TARBP1: variants seen among roughly 807,000 people sequenced by gnomAD.
The protein encoded by TARBP1 is tRNA guanosine 2 -O-methyltransferase TARBP1.
Under a neutral mutation model 178.6 loss-of-function variants are expected in TARBP1, and 144 were observed. The observed-to-expected ratio is 0.81, with a 90% CI of 0.70 to 0.93. The LOEUF is 0.93. Ranked by LOEUF, TARBP1 falls within the 40% of genes least tolerant of loss-of-function variation. The pLI, the probability that TARBP1 is intolerant of heterozygous loss-of-function variation, is 0.00. For missense variants in TARBP1, 2,067 were observed against 2,011.7 expected, an observed-to-expected ratio of 1.03 and a Z score of -0.53; for synonymous variants, 787 against 781.0, an observed-to-expected ratio of 1.01 and a Z score of -0.13.
chr1:234,465,234 G>T (rs10910438), intron 5 of TARBP1, among the ~76,000 whole-genome samples: 24,645 of 152,132 alleles, frequency 0.16, 2,815 homozygotes, highest in East Asian at 0.55. Context: ...AGGGAATATG[G>T]GTGAAAGGGA....
At chr1:234,427,074 T>C (rs540804708) in intron 19 of TARBP1, among the ~76,000 whole-genome samples, 6 of 152,322 alleles carry the variant, frequency 3.9e-5, no homozygotes, top group African/African-American at 1.4e-4. Context: ...ATTTCCTTGT[T>C]TACGCTGGAG....
chr1:234,462,687 CA>C (rs35604890), intron 6 of TARBP1, among the ~76,000 whole-genome samples: 58 of 102,782 alleles, frequency 5.6e-4, no homozygotes, highest in African/African-American at 1.1e-3. Flanking sequence ...GACTTCATCT[CA>C]AAAAAAAAAA....
chr1:234,453,387 G>A (rs1197529723), intron 9 of TARBP1, among the ~76,000 whole-genome samples: 2 of 148,902 alleles, frequency 1.3e-5, no homozygotes, highest in African/African-American at 5.0e-5. Context: ...ACAGGGTCTC[G>A]CTATGTTACC....
chr1:234,418,006 T>C (rs988033237), intron 22 of TARBP1, 78 bp downstream of exon 22: 1 of 932,150 alleles, frequency 1.1e-6, no homozygotes, highest in Non-Finnish European at 1.5e-6. Flanking sequence ...AAAACAACTA[T>C]TTAAGTGAAA....
chr1:234,418,272 T>C (rs763691528), intron 21 of TARBP1, 39 bp from the exon 22 acceptor site: 1 of 1,503,164 alleles, frequency 6.7e-7, no homozygotes. Context: ...TTACAGTTAT[T>C]CATTTTAATT....
intron 25 of TARBP1, chr1:234,400,237 T>C (rs911995839): frequency 6.6e-6 from 1 of 152,132 alleles, no homozygotes; most frequent in African/African-American, 2.4e-5. Context: ...TTACTCCTGT[T>C]GGAAGACTGA....
At position 234,432,189 on chromosome 1, in the gene TARBP1, C is replaced by A. The variant is rs947622578; in HGVS notation, c.2394+1221G>T. 4.6e-4 allele frequency among the ~76,000 whole-genome samples: 70 copies of A among 151,214 alleles called. 1 individual carries two copies. The highest frequency in any genetic ancestry group is 4.3e-4 in the Non-Finnish European group (29 of 67,932). On this transcript the variant is annotated intron_variant, in intron 14 of 29. Transcript: ENST00000040877. The stretch of plus-strand genomic sequence containing the variant: ...AGGCACGGTGGCTCACACCTACAAT[C>A]CCAGAACTTCAGGAGGCTGAGGCAG...
chr1:234,401,396 T>G (rs1660666880), intron 24 of TARBP1, 134 bp from the exon 25 acceptor site: 1 of 624,572 alleles, frequency 1.6e-6, no homozygotes, highest in Admixed American at 2.7e-5. Flanking sequence ...TATCCTAAGA[T>G]TTATACACAC....
chr1:234,451,983 C>T (rs892299815), intron 9 of TARBP1, among the ~76,000 whole-genome samples: 19 of 152,270 alleles, frequency 1.2e-4, no homozygotes, highest in Middle Eastern at 3.4e-3. Flanking sequence ...GGCCAGACTG[C>T]GTTGCCTAAT....
intron 22 of TARBP1, 92 bp downstream of exon 22, chr1:234,417,992 G>C (rs1365502184): frequency 2.4e-6 from 2 of 822,258 alleles, no homozygotes; most frequent in Non-Finnish European, 3.5e-6. Context: ...GCAACTGAGA[G>C]TCAAAAACAA....
Position 234,460,312 on chromosome 1 carries a change from G to A in TARBP1, c.1484C>T (p.Ala495Val). ...CAGGGCCTTATGTCTTGGGACATTT[G>A]CCAAAGCCTTAGATAGAAACAAAAT... Reference protein sequence around the residue: ...VPILFLSKALANVPRHKALGI... With the variant: ...VPILFLSKALVNVPRHKALGI... Residue 495 changes from alanine to valine, a missense_variant, in exon 7 of 30, where the codon GCA (alanine) becomes GTA (valine). Physicochemically the swap from Ala to Val is moderately conservative, Grantham distance 64. Transcript: ENST00000040877. 2 of 1,614,162 alleles carry A rather than the reference G, an allele frequency of 1.2e-6. No homozygotes were observed. Among genetic ancestry groups the A allele is most frequent in the South Asian group, 2.2e-5 (2 of 91,084 alleles).
chr1:234,477,646 C>T (rs1669689712), intron 1 of TARBP1, among the ~76,000 whole-genome samples: 1 of 152,190 alleles, frequency 6.6e-6, no homozygotes. Flanking sequence ...CAAAAATACA[C>T]TCAAAAGGTC....
At chr1:234,440,251 C>G (rs557937707) in intron 12 of TARBP1, among the ~76,000 whole-genome samples, 3 of 151,572 alleles carry the variant, frequency 2.0e-5, no homozygotes, top group South Asian at 4.2e-4. Flanking sequence ...AAACAAGAAA[C>G]GTCTAAAATC....
intron 5 of TARBP1, among the ~76,000 whole-genome samples, chr1:234,464,589 G>C (rs1455433916): frequency 6.6e-6 from 1 of 151,998 alleles, no homozygotes; most frequent in Non-Finnish European, 1.5e-5. Context: ...CAGTAGTAAT[G>C]AGTTATTTGA....
Position 234,429,132 on chromosome 1 carries a change from T to C in TARBP1, c.3060+4A>G. ...AAAAGCAAAAAGAAAAGAAAGTTAG[T>C]TACCTCTTTTATTTTGAAATATGCC... On this transcript the variant is annotated splice_donor_region_variant and intron_variant, in intron 17 of 29. Coordinates refer to ENST00000040877, the MANE Select transcript of TARBP1 (RefSeq NM_005646.4). 6.4e-7 allele frequency: 1 copy of C among 1,559,306 alleles called. No individual in the cohort carries two copies. The highest frequency in any genetic ancestry group is 8.6e-7 in the Non-Finnish European group (1 of 1,161,702).
chr1:234,398,911 AG>A (rs898756961), intron 25 of TARBP1, among the ~76,000 whole-genome samples: 1 of 152,242 alleles, frequency 6.6e-6, no homozygotes, highest in African/African-American at 2.4e-5. Flanking sequence ...ATACCTCCAA[AG>A]GCAATCAAGT....
At chr1:234,466,388 T>C (rs1349150485) in intron 4 of TARBP1, among the ~76,000 whole-genome samples, 1 of 152,102 alleles carries the variant, frequency 6.6e-6, no homozygotes, top group Non-Finnish European at 1.5e-5. Flanking sequence ...GGCGTGCACC[T>C]GTAGTCCCAG....
chr1:234,424,904 A>C (rs1663535062), intron 20 of TARBP1, among the ~76,000 whole-genome samples: 1 of 152,156 alleles, frequency 6.6e-6, no homozygotes, highest in African/African-American at 2.4e-5. Context: ...TCTACTAAAA[A>C]TACAAAATTA....
chr1:234,453,774 G>A (rs1205876198), intron 9 of TARBP1, among the ~76,000 whole-genome samples: 2 of 152,154 alleles, frequency 1.3e-5, no homozygotes, highest in Admixed American at 1.3e-4. Context: ...TTGAAATCTG[G>A]ATTCAGCTAT....
Sources: gnomAD v4.1 joint callset for allele counts (sites outside exome capture counted in the v4.1 genomes callset) on GRCh38, gnomAD v4.1.1 for gene constraint, MANE v1.5 for transcripts, NCBI Gene and HGNC (gene_info 2026-07-23, HGNC 2026-07-21) for gene names.